Variants in COL11A1 observed in about 807,000 individuals in gnomAD.
The protein encoded by COL11A1 is collagen type XI alpha 1 chain, also known as collagen alpha-1(XI) chain.
In COL11A1, 74 loss-of-function variants were observed where a neutral mutation model predicts 265.2. The ratio of observed to expected loss-of-function variants is 0.28; its 90% CI spans 0.23 to 0.34. The LOEUF (loss-of-function observed/expected upper bound fraction) is 0.34, where lower values mean the gene tolerates loss of function less well. Ranked by LOEUF, COL11A1 falls within the 10% of genes least tolerant of loss-of-function variation. The probability of loss-of-function intolerance (pLI) is 1.00; values close to 1 mark genes in which losing one functional copy is unlikely to be tolerated. For missense variants in COL11A1, 2,165 were observed against 2,263.6 expected (o/e 0.96, Z 0.88); for synonymous variants, 816 against 727.6 (o/e 1.12, Z -1.96).
intron 24 of COL11A1, 21 bp downstream of exon 24, chr1:103,001,904 G>C: frequency 6.2e-7 from 1 of 1,611,384 alleles, no homozygotes; most frequent in South Asian, 1.1e-5. Context: ...CAGGCTTTAC[G>C]AGAACAACAG....
intron 41 of COL11A1, among the ~76,000 whole-genome samples, chr1:102,957,125 C>G (rs6699118): frequency 6.6e-6 from 1 of 151,672 alleles, no homozygotes; most frequent in Non-Finnish European, 1.5e-5. Context: ...CTAGACCTAC[C>G]TGAGTACAGT....
chr1:103,021,202 A>G (rs71512568), intron 9 of COL11A1, among the ~76,000 whole-genome samples: 11,907 of 151,350 alleles, frequency 0.079, 518 homozygotes, highest in Middle Eastern at 0.14. Context: ...AAATTTTAAA[A>G]GATTAATTTG....
At chr1:102,986,723 T>A in intron 30 of COL11A1, among the ~76,000 whole-genome samples, 1 of 152,136 alleles carries the variant, frequency 6.6e-6, no homozygotes, top group Non-Finnish European at 1.5e-5. Flanking sequence ...AGACAAATGT[T>A]ATTACATTAT....
intron 11 of COL11A1, among the ~76,000 whole-genome samples, chr1:103,016,763 C>T (rs1199163859): frequency 1.3e-5 from 2 of 151,848 alleles, no homozygotes; most frequent in East Asian, 1.9e-4. Context: ...AGATTCTGTA[C>T]AAGTTTCAAG....
At chr1:102,991,439 C>T (rs1381980120) in intron 28 of COL11A1, among the ~76,000 whole-genome samples, 1 of 124,360 alleles carries the variant, frequency 8.0e-6, no homozygotes, top group African/African-American at 2.5e-5. Context: ...CCTCCCTTCA[C>T]CACGTGATCT....
chr1:102,945,247 ACTCTCTCTCT>A (rs3056651), intron 42 of COL11A1, among the ~76,000 whole-genome samples: 53 of 129,246 alleles, frequency 4.1e-4, no homozygotes, highest in Middle Eastern at 4.1e-3. Context: ...TTTTCTTTTT[ACTCTCTCTCT>A]CTCTCTCTCT....
At chr1:102,926,008 G>A (rs1656555990) in intron 46 of COL11A1, among the ~76,000 whole-genome samples, 1 of 151,850 alleles carries the variant, frequency 6.6e-6, no homozygotes, top group South Asian at 2.1e-4. Flanking sequence ...ACCCAGTTGT[G>A]CATTTTCATC....
intron 4 of COL11A1, among the ~76,000 whole-genome samples, chr1:103,056,969 T>C (rs899279060): frequency 6.6e-6 from 1 of 152,190 alleles, no homozygotes; most frequent in Admixed American, 6.5e-5. Context: ...TGTCTATAAC[T>C]GCTTAGGGTG....
chr1:103,038,351 G>C (rs1187338270), intron 4 of COL11A1, among the ~76,000 whole-genome samples: 1 of 152,102 alleles, frequency 6.6e-6, no homozygotes, highest in Non-Finnish European at 1.5e-5. Flanking sequence ...TGTAGTCCTA[G>C]CTACTTGGGA....
intron 65 of COL11A1, among the ~76,000 whole-genome samples, chr1:102,881,442 T>G (rs1382475359): frequency 6.6e-6 from 1 of 152,156 alleles, no homozygotes; most frequent in Non-Finnish European, 1.5e-5. Context: ...CTCAGGTACT[T>G]AATAAATTGT....
chr1:103,022,030 A>G (rs1157455270), intron 8 of COL11A1, among the ~76,000 whole-genome samples: 1 of 114,998 alleles, frequency 8.7e-6, no homozygotes, highest in African/African-American at 3.2e-5. Flanking sequence ...TTTTTTTTGT[A>G]TTTTTAGTAG....
intron 54 of COL11A1, among the ~76,000 whole-genome samples, chr1:102,902,353 T>A (rs1249109643): frequency 6.6e-6 from 1 of 152,136 alleles, no homozygotes; most frequent in East Asian, 1.9e-4. Flanking sequence ...TTTTTAATAT[T>A]AGCAAAATAA....
chr1:102,928,512 T>G (rs1289693974), intron 46 of COL11A1, among the ~76,000 whole-genome samples: 1 of 152,212 alleles, frequency 6.6e-6, no homozygotes, highest in Non-Finnish European at 1.5e-5. Flanking sequence ...GTTGGACATT[T>G]GGGTTGGTTC....
intron 1 of COL11A1, among the ~76,000 whole-genome samples, chr1:103,096,626 A>G (rs1465973268): frequency 6.6e-6 from 1 of 152,020 alleles, no homozygotes; most frequent in African/African-American, 2.4e-5. Flanking sequence ...CAGCCTACCA[A>G]TGCTATCCAG....
chr1:103,000,100 A>G (rs1664974509), intron 24 of COL11A1, among the ~76,000 whole-genome samples: 1 of 151,854 alleles, frequency 6.6e-6, no homozygotes, highest in Admixed American at 6.6e-5. Flanking sequence ...TTCAGATATA[A>G]CAACTTTTCC....
chr1:103,038,962 T>C (rs1668598363), intron 4 of COL11A1, among the ~76,000 whole-genome samples: 1 of 152,170 alleles, frequency 6.6e-6, no homozygotes, highest in South Asian at 2.1e-4. Context: ...CAGAGGAACG[T>C]AGAGCAATTC....
intron 41 of COL11A1, among the ~76,000 whole-genome samples, chr1:102,949,586 C>A (rs921858732): frequency 1.3e-5 from 2 of 152,128 alleles, no homozygotes; most frequent in Admixed American, 6.6e-5. Context: ...AATTATTATA[C>A]CTACTAATTA....
Position 103,074,751 on chromosome 1 carries a change from T to A in COL11A1, c.518A>T (p.Lys173Met). ...KWHRVAISVE[K>M]KTVTMIVDCK... ...ATCAACAATCATTGTCACAGTTTTC[T>A]TCTCCACGCTGATTGCTACCCGATG... Residue 173 changes from lysine (K) to methionine (M), a missense_variant, in exon 4 of 67, where the codon AAG becomes ATG. Lys to Met is a moderately conservative substitution (Grantham distance 95). Coordinates refer to ENST00000370096, the MANE Select transcript of COL11A1 (RefSeq NM_001854.4). The A allele has an allele frequency of 6.2e-7, 1 of 1,613,310 alleles. No individual in the cohort carries two copies. Among genetic ancestry groups the A allele is most frequent in the Non-Finnish European group, 8.5e-7 (1 of 1,179,554 alleles).
At chr1:102,922,063 A>C (rs1656047430) in intron 47 of COL11A1, among the ~76,000 whole-genome samples, 1 of 152,214 alleles carries the variant, frequency 6.6e-6, no homozygotes. Context: ...ATTGTAAAAC[A>C]AAGATTTTCT....
Sources: allele counts gnomAD v4.1 joint callset (sites outside exome capture counted in the v4.1 genomes callset), GRCh38; gene constraint gnomAD v4.1.1; transcripts MANE v1.5; gene names NCBI Gene and HGNC (gene_info 2026-07-23, HGNC 2026-07-21).